SYNE1: variants seen among roughly 807,000 people sequenced by gnomAD.
SYNE1 encodes spectrin repeat containing nuclear envelope protein 1.
In SYNE1, 616 loss-of-function variants were observed where a neutral mutation model predicts 1,111.0. The ratio of observed to expected loss-of-function variants is 0.55; its 90% CI spans 0.52 to 0.59. SYNE1 has a LOEUF of 0.59. Ranked by LOEUF, SYNE1 falls within the 20% of genes least tolerant of loss-of-function variation. SYNE1 has a pLI of 0.00. For synonymous variants in SYNE1, 3,855 were observed against 3,825.8 expected (o/e 1.01, Z -0.28); for missense variants, 10,006 against 10,417.0 (o/e 0.96, Z 1.72).
At chr6:152,442,299 G>A in intron 30 of SYNE1, 54 bp from the exon 31 acceptor site, 1 of 1,603,732 alleles carries the variant, frequency 6.2e-7, no homozygotes, top group Non-Finnish European at 8.5e-7. Flanking sequence ...AAACAGCTAA[G>A]TAGGGACATC....
chr6:152,391,292 C>A lies in SYNE1; in HGVS notation c.7989G>T (p.Arg2663=), dbSNP rs1268841274. ...TLGSKDTLEK[R]LSQIQDILLM... ...TCGCATGTACCTGTATTTGTGACAGCCGTTTCTCCAGGGTGTCTTTGCTCC... is the reference window on the plus strand; with the variant it reads ...TCGCATGTACCTGTATTTGTGACAGACGTTTCTCCAGGGTGTCTTTGCTCC... The change falls in exon 52 of 146, where the codon CGG becomes CGT. Residue 2663 remains arginine, a synonymous_variant. Coordinates refer to ENST00000367255, the MANE Select transcript of SYNE1 (RefSeq NM_182961.4). 11 of 1,613,892 alleles carry A rather than the reference C, an allele frequency of 6.8e-6. No individual in the cohort carries two copies. The highest frequency in any genetic ancestry group is 9.3e-6 in the Non-Finnish European group (11 of 1,179,994).
rs773154648 is a variant in SYNE1, at chr6:152,399,787, T to C, written c.7066A>G (p.Ile2356Val). The change falls in exon 48 of 146, where the codon ATC becomes GTC. Residue 2356 changes from isoleucine (I) to valine (V), a missense_variant. Ile to Val is a conservative substitution (Grantham distance 29). Around this residue, in one of 7 missense-constraint regions of SYNE1, gnomAD observed 4,955 missense variants for 5,017.2 expected, o/e 0.99. Transcript: ENST00000367255. ...QKELQSQQSN[I>V]SSTQENLNSL... ...TTGAGATTTTCTTGGGTAGAGCTGA[T>C]GTTGCTTTGTTGACTTTGAAGTTCT... 1.9e-6 allele frequency: 3 copies of C among 1,614,170 alleles called. No individual in the cohort carries two copies. The highest frequency in any genetic ancestry group is 1.1e-5 in the South Asian group (1 of 91,090).
intron 127 of SYNE1, among the ~76,000 whole-genome samples, chr6:152,193,818 T>C (rs2073270341): frequency 6.6e-6 from 1 of 151,952 alleles, no homozygotes; most frequent in Non-Finnish European, 1.5e-5. Flanking sequence ...GAAACCATCC[T>C]GACTAACACG....
At position 152,425,482 on chromosome 6, in the gene SYNE1, T is replaced by G; in HGVS notation, c.5166A>C (p.Ser1722=). 1 of 1,614,178 alleles carries G rather than the reference T, an allele frequency of 6.2e-7. No individual in the cohort carries two copies. Among genetic ancestry groups the G allele is most frequent in the Non-Finnish European group, 8.5e-7 (1 of 1,180,026 alleles). ...FYSKLLQLKE[S]LFSVASKDDV... is the part of the protein sequence containing the mutation. ...CATCTTTGGAGGCTACTGAGAACAA[T>G]GATTCCTTCAATTGCAAAAGTTTGC... The change falls in exon 39 of 146, where the codon TCA becomes TCC. Residue 1722 remains serine, a synonymous_variant. Transcript: ENST00000367255.
At chr6:152,332,666 G>A (rs2096274433) in intron 77 of SYNE1, among the ~76,000 whole-genome samples, 1 of 152,150 alleles carries the variant, frequency 6.6e-6, no homozygotes, top group African/African-American at 2.4e-5. Flanking sequence ...ATAGTTCTAG[G>A]TAGTACAATC....
At chr6:152,342,607 T>C (rs573459414) in intron 74 of SYNE1, among the ~76,000 whole-genome samples, 3 of 152,350 alleles carry the variant, frequency 2.0e-5, no homozygotes, top group South Asian at 4.1e-4. Flanking sequence ...AAATACATTA[T>C]GCTATTCTAA....
At chr6:152,293,478 A>G in intron 95 of SYNE1, 110 bp downstream of exon 95, 2 of 1,267,844 alleles carry the variant, frequency 1.6e-6, no homozygotes, top group African/African-American at 1.5e-5. Flanking sequence ...TAAGGTTAAA[A>G]AATTTTTAAA....
intron 100 of SYNE1, among the ~76,000 whole-genome samples, chr6:152,263,130 G>A (rs1239273919): frequency 6.6e-6 from 1 of 152,048 alleles, no homozygotes; most frequent in East Asian, 1.9e-4. Flanking sequence ...GGTAGTACAG[G>A]ACACAGGAAT....
chr6:152,296,223 T>G (rs763852084), intron 93 of SYNE1, among the ~76,000 whole-genome samples: 2 of 152,194 alleles, frequency 1.3e-5, no homozygotes, highest in Admixed American at 1.3e-4. Flanking sequence ...TGACAAACCC[T>G]TTCCGGAAAC....
chr6:152,400,456 G>A (rs1397911482), intron 47 of SYNE1, among the ~76,000 whole-genome samples: 1 of 152,094 alleles, frequency 6.6e-6, no homozygotes, highest in Non-Finnish European at 1.5e-5. Flanking sequence ...TTGAGGTCAG[G>A]AGTTCGAGAC....
At chr6:152,329,543 C>T (rs757620604) in intron 78 of SYNE1, among the ~76,000 whole-genome samples, 187 bp downstream of exon 78, 2 of 152,034 alleles carry the variant, frequency 1.3e-5, no homozygotes, top group African/African-American at 4.8e-5. Flanking sequence ...ACCCAAAAAA[C>T]AAAACAAAAC....
intron 112 of SYNE1, among the ~76,000 whole-genome samples, chr6:152,232,837 G>C (rs1255623952): frequency 6.6e-6 from 1 of 152,152 alleles, no homozygotes; most frequent in Admixed American, 6.5e-5. Flanking sequence ...CGATGATTTG[G>C]AGGAACAAAA....
intron 3 of SYNE1, among the ~76,000 whole-genome samples, chr6:152,565,661 C>A (rs1204356904): frequency 2.0e-5 from 3 of 148,342 alleles, no homozygotes; most frequent in African/African-American, 7.6e-5. Flanking sequence ...AAGTTCCCTG[C>A]TGAAGTTTAA....
chr6:152,132,835 A>T, intron 143 of SYNE1, among the ~76,000 whole-genome samples: 2 of 152,016 alleles, frequency 1.3e-5, no homozygotes, highest in East Asian at 3.9e-4. Context: ...GTAGAAAAAA[A>T]AATATAAAAA....
At chr6:152,377,446 T>C (rs2097301717) in intron 56 of SYNE1, among the ~76,000 whole-genome samples, 1 of 150,350 alleles carries the variant, frequency 6.7e-6, no homozygotes, top group Non-Finnish European at 1.5e-5. Flanking sequence ...CCATCTCTAC[T>C]GAAAATACAA....
intron 3 of SYNE1, among the ~76,000 whole-genome samples, chr6:152,565,200 C>T (rs1224144372): frequency 6.6e-6 from 1 of 152,166 alleles, no homozygotes; most frequent in East Asian, 1.9e-4. Flanking sequence ...CTAGCTTCAA[C>T]ACTAAGAAAG....
chr6:152,612,194 C>A (rs1237721364), intron 3 of SYNE1, among the ~76,000 whole-genome samples: 6 of 151,692 alleles, frequency 4.0e-5, no homozygotes, highest in African/African-American at 1.5e-4. Flanking sequence ...TTCAAAAAAT[C>A]AATGAATCTA....
chr6:152,459,747 CA>C (rs1436494724), intron 21 of SYNE1, among the ~76,000 whole-genome samples: 2 of 152,144 alleles, frequency 1.3e-5, no homozygotes, highest in African/African-American at 4.8e-5. Flanking sequence ...GGAAATTAAT[CA>C]GTATTTGTTA....
At chr6:152,318,755 GT>G in intron 85 of SYNE1, 107 bp downstream of exon 85, 4 of 1,373,962 alleles carry the variant, frequency 2.9e-6, no homozygotes, top group South Asian at 1.3e-5. Flanking sequence ...TTACTATTTG[GT>G]TTTAAAAAAG....
Sources: gnomAD v4.1 joint callset for allele counts (sites outside exome capture counted in the v4.1 genomes callset) on GRCh38, gnomAD v4.1.1 for gene constraint, gnomAD v4.1.1 regional missense constraint, MANE v1.5 for transcripts, NCBI Gene and HGNC (gene_info 2026-07-23, HGNC 2026-07-21) for gene names.